Variants in IL31RA observed in about 807,000 individuals in gnomAD.
The protein encoded by IL31RA is interleukin 31 receptor A, also known as interleukin-31 receptor subunit alpha.
Under a neutral mutation model 83.7 loss-of-function variants are expected in IL31RA, and 66 were observed. The ratio of observed to expected loss-of-function variants is 0.79; its 90% CI spans 0.65 to 0.97. IL31RA has a LOEUF of 0.97. Ranked by LOEUF, IL31RA falls within the 50% of genes least tolerant of loss-of-function variation. IL31RA has a pLI of 0.00. For synonymous variants in IL31RA, 325 were observed against 329.0 expected (o/e 0.99, Z 0.13); for missense variants, 798 against 919.4 (o/e 0.87, Z 1.71).
chr5:55,907,707 G>A (rs1219865775), intron 10 of IL31RA, among the ~76,000 whole-genome samples: 1 of 152,164 alleles, frequency 6.6e-6, no homozygotes, highest in East Asian at 1.9e-4. Flanking sequence ...GAAATAACTT[G>A]CCCAAAGTCA....
intron 2 of IL31RA, among the ~76,000 whole-genome samples, chr5:55,867,199 T>A (rs200073091): frequency 0.016 from 1,709 of 106,660 alleles, 75 homozygotes; most frequent in African/African-American, 0.06. Context: ...TTGTGTGTGT[T>A]TGTGTGTGTG....
Position 55,896,374 on chromosome 5 carries a change from G to T in IL31RA, c.797G>T (p.Arg266Ile), listed in dbSNP as rs753803498. 1.2e-6 allele frequency: 2 copies of T among 1,613,694 alleles called. No individual in the cohort carries two copies. Among genetic ancestry groups the T allele is most frequent in the Non-Finnish European group, 1.7e-6 (2 of 1,179,626 alleles). The change falls in exon 7 of 15, where the codon AGA becomes ATA. Residue 266 changes from arginine (R) to isoleucine (I), a missense_variant. Coordinates refer to ENST00000652347, the MANE Select transcript of IL31RA (RefSeq NM_139017.7). ...EEAPCGLELW[R>I]VLKPAEADGR... ...GCTCCATGTGGCCTGGAACTGTGGA[G>T]AGTCCTGAAACCAGCTGAGGCGGAT...
intron 14 of IL31RA, among the ~76,000 whole-genome samples, chr5:55,916,062 G>A (rs562001339): frequency 3.3e-5 from 5 of 152,286 alleles, no homozygotes; most frequent in African/African-American, 1.2e-4. Flanking sequence ...GTGGAAAATA[G>A]CCTTGCACAC....
rs1340881179 is a variant in IL31RA at position 55,896,420 on chromosome 5, G to T, written c.843G>T (p.Leu281Phe). The T allele has an allele frequency of 6.2e-7, 1 of 1,610,910 alleles. No individual in the cohort carries two copies. The highest frequency in any genetic ancestry group is 8.5e-7 in the Non-Finnish European group (1 of 1,177,336). The change falls in exon 7 of 15, where the codon TTG becomes TTT. Residue 281 changes from leucine to phenylalanine, a missense_variant. Transcript: ENST00000652347. ...AEADGRRPVRLLWKKARGAPV... is the reference protein window; with the variant it reads ...AEADGRRPVRFLWKKARGAPV... ...CGGATGGAAGAAGGCCAGTGCGGTT[G>T]TTATGGAAGGTGACCTCCCTCTGGA... is the stretch of plus-strand genomic sequence containing the variant.
intron 4 of IL31RA, among the ~76,000 whole-genome samples, chr5:55,876,052 A>C (rs552477096): frequency 2.9e-4 from 44 of 152,310 alleles, no homozygotes; most frequent in Admixed American, 2.7e-3. Context: ...CATTACTTTC[A>C]ATAGAACTTT....
chr5:55,892,179 A>G (rs1011305367), intron 6 of IL31RA, among the ~76,000 whole-genome samples: 2 of 152,194 alleles, frequency 1.3e-5, no homozygotes, highest in African/African-American at 4.8e-5. Flanking sequence ...ATGATGGACA[A>G]GAAATTTTAA....
chr5:55,899,790 C>T (rs546353490), intron 7 of IL31RA, 126 bp from the exon 8 acceptor site: 2 of 721,658 alleles, frequency 2.8e-6, no homozygotes, highest in East Asian at 2.7e-5. Context: ...AGGGTAATTA[C>T]CTGATTGTAG....
intron 1 of IL31RA, among the ~76,000 whole-genome samples, chr5:55,858,390 T>C (rs903331782): frequency 6.6e-6 from 1 of 152,198 alleles, no homozygotes. Flanking sequence ...AAGAATGTTC[T>C]TAGTGTTATA....
rs919154883 is a variant in IL31RA, at chr5:55,869,025, G to A, written c.272+117G>A. On this transcript the variant is annotated intron_variant, in intron 3 of 14. Transcript: ENST00000652347. ...AAGTTTCCTCAATGACAGCTTCTGG[G>A]TGATTACTGTGTGCAGCCAGTGGCT... 3 of 760,960 alleles carry A rather than the reference G, an allele frequency of 3.9e-6. No homozygotes were observed. In the African/African-American group the frequency reaches 5.1e-5, roughly 13 times the overall value. The allele number at this position is 760,960 out of a possible 1,614,324, so 47.1% of individuals were successfully genotyped here. A position where few individuals can be genotyped will look rare whatever the true frequency, so the allele number is the denominator to read the frequency against.
chr5:55,897,084 G>T (rs1268969366), intron 7 of IL31RA, among the ~76,000 whole-genome samples: 1 of 119,902 alleles, frequency 8.3e-6, no homozygotes. Context: ...TCCTGGGCTC[G>T]AGAGATCCTC....
At chr5:55,855,925 C>T (rs761522785) in intron 1 of IL31RA, among the ~76,000 whole-genome samples, 1 of 152,210 alleles carries the variant, frequency 6.6e-6, no homozygotes, top group Non-Finnish European at 1.5e-5. Context: ...AAGATGGAGC[C>T]TTGGTCTGTA....
At chr5:55,886,268 C>CTTTTTTTTTTTTTTTTTTTTTTTTG (rs35481013) in intron 5 of IL31RA, among the ~76,000 whole-genome samples, 1 of 71,510 alleles carries the variant, frequency 1.4e-5, no homozygotes, top group Non-Finnish European at 2.4e-5. Context: ...TGCTTGCTTG[C>CTTTTTTTTTTTTTTTTTTTTTTTTG]TTTTTTTTTT....
chr5:55,906,609 A>G (rs1428654340), intron 9 of IL31RA, among the ~76,000 whole-genome samples: 1 of 152,138 alleles, frequency 6.6e-6, no homozygotes, highest in Non-Finnish European at 1.5e-5. Flanking sequence ...CAGCTGGCCT[A>G]CCTAGGATAT....
intron 2 of IL31RA, among the ~76,000 whole-genome samples, chr5:55,867,268 C>CGT (rs56374716): frequency 0.84 from 107,174 of 127,574 alleles, 46,093 homozygotes; most frequent in South Asian, 0.93. Context: ...TGTTTGTGTG[C>CGT]GTGTGTGTGC....
At chr5:55,841,791 G>C in the IL31RA span, among the ~76,000 whole-genome samples, 1 of 151,988 alleles carries the variant, frequency 6.6e-6, no homozygotes, top group Admixed American at 6.6e-5. Context: ...ATTTCCTAGG[G>C]ATGTTGTAGC....
At chr5:55,913,944 G>C (rs1030348019) in intron 13 of IL31RA, among the ~76,000 whole-genome samples, 6 of 152,236 alleles carry the variant, frequency 3.9e-5, no homozygotes, top group Non-Finnish European at 8.8e-5. Context: ...TGCGAGCTCT[G>C]TCTCAGGCAG....
rs1345026306 is a variant in IL31RA, at chr5:55,907,447, T to C, written c.1341T>C (p.Tyr447=). 1.2e-6 allele frequency: 2 copies of C among 1,610,290 alleles called. No homozygotes were observed. The highest frequency in any genetic ancestry group is 1.3e-5 in the African/African-American group (1 of 74,978). ...GCGAGCCATATTCCATCCAGGCTTA[T>C]GCCAAAGAAGGCGGTATGAATGGAC... is the stretch of plus-strand genomic sequence containing the variant. ...KVGEPYSIQA[Y]AKEGVPSEGP... is the part of the protein sequence containing the mutation. Residue 447 remains tyrosine (Y), a synonymous_variant, in exon 10 of 15, where the codon TAT becomes TAC. Coordinates refer to ENST00000652347, the MANE Select transcript of IL31RA (RefSeq NM_139017.7).
intron 11 of IL31RA, chr5:55,909,223 T>G (rs1161063345): frequency 2.0e-5 from 3 of 152,716 alleles, no homozygotes; most frequent in Non-Finnish European, 4.4e-5. Context: ...TTGTACTTAT[T>G]CATTTTTATG....
chr5:55,874,334 G>A (rs1746706733), intron 4 of IL31RA, among the ~76,000 whole-genome samples: 1 of 152,020 alleles, frequency 6.6e-6, no homozygotes, highest in African/African-American at 2.4e-5. Context: ...TTTGAAATTG[G>A]GAAAGTGAGT....
Sources: gnomAD v4.1 joint callset for allele counts (sites outside exome capture counted in the v4.1 genomes callset) on GRCh38, gnomAD v4.1.1 for gene constraint, MANE v1.5 for transcripts, NCBI Gene and HGNC (gene_info 2026-07-23, HGNC 2026-07-21) for gene names.